Variants in ZBTB20 observed in about 807,000 individuals in gnomAD.
ZBTB20 encodes the protein zinc finger and BTB domain containing 20, also known as zinc finger and BTB domain-containing protein 20.
In ZBTB20, 9 loss-of-function variants were observed where a neutral mutation model predicts 56.9. The ratio of observed to expected loss-of-function variants is 0.16; its 90% confidence interval spans 0.10 to 0.28. ZBTB20 has a LOEUF of 0.28. Among genes scored for constraint, ZBTB20 ranks in the 10% least tolerant of loss-of-function variants. The probability of loss-of-function intolerance (pLI) is 1.00; values close to 1 mark genes in which losing one functional copy is unlikely to be tolerated. For synonymous variants in ZBTB20, 417 were observed against 420.7 expected, an observed-to-expected ratio of 0.99 and a Z score of 0.11; for missense variants, 655 against 1,003.0, an observed-to-expected ratio of 0.65 and a Z score of 4.69.
intron 6 of ZBTB20, among the ~76,000 whole-genome samples, chr3:114,610,793 G>A (rs1282164320): frequency 1.3e-5 from 2 of 152,138 alleles, no homozygotes; most frequent in African/African-American, 4.8e-5. Context: ...TATCTAGAAG[G>A]AGCTATGGGT....
chr3:114,575,518 A>G (rs932997188), intron 6 of ZBTB20, among the ~76,000 whole-genome samples: 5 of 151,974 alleles, frequency 3.3e-5, no homozygotes, highest in African/African-American at 9.7e-5. Flanking sequence ...AAAAAATCCA[A>G]TTTTCCCAGC....
chr3:114,976,063 T>A (rs1422203624), intron 2 of ZBTB20, among the ~76,000 whole-genome samples: 1 of 152,228 alleles, frequency 6.6e-6, no homozygotes, highest in Admixed American at 6.5e-5. Context: ...AATTAAATTG[T>A]CATTCTGCAA....
intron 6 of ZBTB20, among the ~76,000 whole-genome samples, chr3:114,638,175 T>C (rs1179383734): frequency 6.6e-6 from 1 of 152,078 alleles, no homozygotes; most frequent in African/African-American, 2.4e-5. Context: ...GGCAATCCAC[T>C]TGAGAGGCAA....
chr3:114,723,576 A>T (rs1250341879), intron 5 of ZBTB20, among the ~76,000 whole-genome samples: 1 of 152,164 alleles, frequency 6.6e-6, no homozygotes, highest in East Asian at 1.9e-4. Flanking sequence ...CTCTGTAAAA[A>T]ATCAGCCTCC....
At position 114,351,820 on chromosome 3, in the gene ZBTB20, G is replaced by T; in HGVS notation, c.258C>A (p.Phe86Leu). The T allele has an allele frequency of 6.2e-7, 1 of 1,605,886 alleles. No individual in the cohort carries two copies. The highest frequency in any genetic ancestry group is 8.5e-7 in the Non-Finnish European group (1 of 1,173,164). The change falls in exon 11 of 12, where the codon TTC becomes TTA. Residue 86 changes from phenylalanine to leucine, a missense_variant. Around this residue, in one of 10 missense-constraint regions of ZBTB20, gnomAD observed 57 missense variants for 99.1 expected, o/e 0.58. Transcript: ENST00000675478. The part of the protein sequence containing the change: ...ERIHSINLHN[F>L]SNSVLETLNE... ...TGAGGGTCTCGAGCACGGAATTGCT[G>T]AAGTTGTGAAGGTTGATGCTGTGAA...
At chr3:114,551,541 C>A (rs374397282) in intron 6 of ZBTB20, among the ~76,000 whole-genome samples, 4 of 151,960 alleles carry the variant, frequency 2.6e-5, no homozygotes, top group East Asian at 1.9e-4. Flanking sequence ...TTGGGATGAG[C>A]CTTTGAGGAT....
At chr3:114,818,490 T>C (rs1293732065) in intron 4 of ZBTB20, among the ~76,000 whole-genome samples, 2 of 152,040 alleles carry the variant, frequency 1.3e-5, no homozygotes, top group Non-Finnish European at 2.9e-5. Flanking sequence ...AGTGAACAAT[T>C]TCTGGCATAT....
intron 11 of ZBTB20, among the ~76,000 whole-genome samples, chr3:114,340,365 C>T (rs1247926615): frequency 6.6e-6 from 1 of 151,688 alleles, no homozygotes; most frequent in African/African-American, 2.4e-5. Flanking sequence ...TACCTCCCAC[C>T]CCCATTAAAT....
At chr3:114,341,069 TTTG>T (rs2079724251) in intron 11 of ZBTB20, among the ~76,000 whole-genome samples, 1 of 152,210 alleles carries the variant, frequency 6.6e-6, no homozygotes. Flanking sequence ...TCATCAGGAA[TTTG>T]TTGTTATTGT....
rs777317962 is a variant in ZBTB20 at position 114,316,486 on chromosome 3, C to T, written c.*22519G>A. The T allele has an allele frequency of 5.8e-6, 3 of 513,892 alleles. No homozygotes were observed. In the East Asian group the frequency reaches 1.9e-4, roughly 32 times the overall value. 31.8% of individuals were successfully genotyped at this position (513,892 alleles called of 1,614,324 possible). On this transcript the variant is annotated 3_prime_UTR_variant, in exon 12 of 12. Coordinates refer to ENST00000675478, the MANE Select transcript of ZBTB20 (RefSeq NM_001348800.3). ...TGTGTATATATGCACATATACACAC[C>T]TATACATGTATAATATATACACTAT... is the stretch of plus-strand genomic sequence containing the variant.
At chr3:115,082,937 A>C (rs192570062) in intron 1 of ZBTB20, among the ~76,000 whole-genome samples, 4 of 152,194 alleles carry the variant, frequency 2.6e-5, no homozygotes, top group Admixed American at 2.0e-4. Flanking sequence ...GTAATAGCAC[A>C]CTACATTTCA....
chr3:114,505,088 C>T (rs571931195), intron 6 of ZBTB20, among the ~76,000 whole-genome samples: 11 of 152,046 alleles, frequency 7.2e-5, no homozygotes, highest in Admixed American at 4.6e-4. Context: ...CAGTGGTAAG[C>T]GAAAGCTATT....
intron 2 of ZBTB20, among the ~76,000 whole-genome samples, chr3:115,016,471 T>C (rs2108284085): frequency 6.6e-6 from 1 of 152,090 alleles, no homozygotes; most frequent in East Asian, 1.9e-4. Flanking sequence ...CCTTAATCCA[T>C]CTTGGGTTAA....
intron 4 of ZBTB20, among the ~76,000 whole-genome samples, chr3:114,844,320 T>C (rs1269715370): frequency 9.9e-5 from 13 of 131,492 alleles, no homozygotes; most frequent in Non-Finnish European, 2.0e-4. Flanking sequence ...ATAAGAAAAT[T>C]ACTGGAGTAA....
intron 5 of ZBTB20, among the ~76,000 whole-genome samples, chr3:114,724,533 CT>C (rs2065136882): frequency 6.6e-6 from 1 of 152,198 alleles, no homozygotes; most frequent in African/African-American, 2.4e-5. Flanking sequence ...TAGGGTCAAA[CT>C]GAATTCAACT....
At chr3:115,048,133 G>A (rs1259800511) in intron 2 of ZBTB20, among the ~76,000 whole-genome samples, 4 of 152,128 alleles carry the variant, frequency 2.6e-5, no homozygotes, top group African/African-American at 9.7e-5. Context: ...GCTGAGGCAG[G>A]AGAATGGCGT....
chr3:114,778,195 T>G (rs1286117568), intron 5 of ZBTB20, among the ~76,000 whole-genome samples: 5 of 149,256 alleles, frequency 3.3e-5, no homozygotes, highest in Admixed American at 6.7e-5. Flanking sequence ...TGTGTACATA[T>G]GTAACAAACC....
At chr3:115,110,401 G>A (rs929308560) in intron 1 of ZBTB20, among the ~76,000 whole-genome samples, 1 of 152,178 alleles carries the variant, frequency 6.6e-6, no homozygotes, top group African/African-American at 2.4e-5. Flanking sequence ...CCAATAAGCT[G>A]TAGGCTTATA....
At chr3:114,906,307 GC>G (rs2075315169) in intron 3 of ZBTB20, among the ~76,000 whole-genome samples, 1 of 151,814 alleles carries the variant, frequency 6.6e-6, no homozygotes, top group South Asian at 2.1e-4. Context: ...CTCTGTGGAA[GC>G]CTTGATGATG....
Sources: allele counts gnomAD v4.1 joint callset (sites outside exome capture counted in the v4.1 genomes callset), GRCh38; gene constraint gnomAD v4.1.1; regional missense constraint gnomAD v4.1.1; transcripts MANE v1.5; gene names NCBI Gene and HGNC (gene_info 2026-07-23, HGNC 2026-07-21).